The following CDH18 variants were observed in gnomAD, a reference collection of about 807,000 sequenced individuals.
CDH18 encodes cadherin-18.
A neutral mutation model predicts 67.9 loss-of-function variants in CDH18; 31 were observed. The observed-to-expected ratio is 0.46, with a 90% CI of 0.34 to 0.62. The LOEUF (loss-of-function observed/expected upper bound fraction) is 0.62. Among genes scored for constraint, CDH18 ranks in the 20% least tolerant of loss-of-function variants. The pLI, the probability that CDH18 is intolerant of heterozygous loss-of-function variation, is 0.01. For missense variants in CDH18, 890 were observed against 975.5 expected (o/e 0.91, Z 1.17); for synonymous variants, 362 against 347.2 (o/e 1.04, Z -0.48).
chr5:19,697,285 G>T (rs562662807), intron 5 of CDH18, among the ~76,000 whole-genome samples: 3 of 152,224 alleles, frequency 2.0e-5, no homozygotes, highest in African/African-American at 7.2e-5. Context: ...AGTCATACGG[G>T]CTATTTGGAA....
intron 8 of CDH18, among the ~76,000 whole-genome samples, chr5:19,561,820 A>T (rs1289631398): frequency 6.6e-6 from 1 of 152,140 alleles, no homozygotes; most frequent in Non-Finnish European, 1.5e-5. Flanking sequence ...CATCTATGAA[A>T]GAATAGAGTT....
At chr5:19,846,080 CCT>C (rs1315166312) in intron 2 of CDH18, among the ~76,000 whole-genome samples, 31 of 151,530 alleles carry the variant, frequency 2.0e-4, no homozygotes, top group African/African-American at 7.0e-4. Flanking sequence ...TATTTTTATC[CCT>C]GTTTTCCTCT....
chr5:20,220,858 G>T (rs1246274278), intron 2 of CDH18, among the ~76,000 whole-genome samples: 2 of 151,998 alleles, frequency 1.3e-5, no homozygotes, highest in Non-Finnish European at 2.9e-5. Context: ...ATGGCAAAAT[G>T]TATATGAAAT....
At chr5:20,116,081 G>A (rs77840669) in intron 2 of CDH18, among the ~76,000 whole-genome samples, 1 of 152,162 alleles carries the variant, frequency 6.6e-6, no homozygotes, top group Non-Finnish European at 1.5e-5. Context: ...AAGAGAAAAT[G>A]ATGTGTCTGC....
intron 8 of CDH18, among the ~76,000 whole-genome samples, chr5:19,562,772 A>G (rs938285134): frequency 6.6e-6 from 1 of 152,178 alleles, no homozygotes; most frequent in African/African-American, 2.4e-5. Flanking sequence ...CAAATTCTCA[A>G]CAAGAAGTAA....
At chr5:19,790,248 A>C (rs1472685247) in intron 3 of CDH18, among the ~76,000 whole-genome samples, 2 of 152,178 alleles carry the variant, frequency 1.3e-5, no homozygotes, top group Non-Finnish European at 2.9e-5. Context: ...ACATACTATA[A>C]GGGATGACAT....
intron 2 of CDH18, among the ~76,000 whole-genome samples, chr5:19,920,893 G>GCGCACACACACACA (rs1554064294): frequency 2.1e-5 from 3 of 146,208 alleles, no homozygotes; most frequent in African/African-American, 7.6e-5. Flanking sequence ...ACCCACAAGA[G>GCGCACACACACACA]CACACACACA....
At chr5:20,098,580 C>T (rs887041211) in intron 2 of CDH18, among the ~76,000 whole-genome samples, 1 of 151,972 alleles carries the variant, frequency 6.6e-6, no homozygotes, top group Non-Finnish European at 1.5e-5. Context: ...AAAAATGTGC[C>T]ATGAAATATC....
intron 2 of CDH18, among the ~76,000 whole-genome samples, chr5:20,095,427 G>GAAAGAAAGA (rs1554089647): frequency 1.4e-4 from 17 of 122,954 alleles, no homozygotes; most frequent in Middle Eastern, 4.6e-3. Flanking sequence ...AAGAAAGAAA[G>GAAAGAAAGA]AAAGAAAGAA....
intron 2 of CDH18, among the ~76,000 whole-genome samples, chr5:19,851,794 T>C (rs1005741622): frequency 2.0e-5 from 3 of 151,818 alleles, no homozygotes; most frequent in Non-Finnish European, 4.4e-5. Flanking sequence ...TTGAAAAGCG[T>C]ATATAGTGTC....
chr5:20,176,997 A>G (rs1205049996), intron 2 of CDH18, among the ~76,000 whole-genome samples: 1 of 152,146 alleles, frequency 6.6e-6, no homozygotes, highest in Non-Finnish European at 1.5e-5. Context: ...ATTCTAAGTA[A>G]TTCCTTTTAG....
intron 2 of CDH18, among the ~76,000 whole-genome samples, chr5:19,975,753 C>G (rs1441209477): frequency 6.6e-6 from 1 of 152,106 alleles, no homozygotes; most frequent in Admixed American, 6.6e-5. Context: ...AAATGTTTGG[C>G]ATTTCTTTTA....
chr5:19,731,919 G>A (rs1256750863), intron 4 of CDH18, among the ~76,000 whole-genome samples: 1 of 151,550 alleles, frequency 6.6e-6, no homozygotes, highest in East Asian at 2.0e-4. Flanking sequence ...GCAAAACCCT[G>A]TTTCTACAAA....
chr5:19,584,295 A>G (rs1025335031), intron 7 of CDH18, among the ~76,000 whole-genome samples: 4 of 152,330 alleles, frequency 2.6e-5, no homozygotes, highest in African/African-American at 7.2e-5. Flanking sequence ...TGATGAAGGA[A>G]TGATACAGAC....
rs1192332824 is a variant in CDH18, at chr5:19,993,869, A to G, written c.-517-1855T>C. On this transcript the variant is annotated intron_variant, in intron 2 of 14. Coordinates refer to the CDH18 transcript ENST00000507958. ...ACTGATGAAGATATTCGGCTCATAT[A>G]TTTACGTAAATTTTCATGTTTGTTT... Among the ~76,000 whole-genome samples the G allele has an allele frequency of 5.3e-5, 8 of 152,164 alleles. No homozygotes were observed. The East Asian group carries it at 1.5e-3, about 29-fold the overall frequency.
intron 9 of CDH18, among the ~76,000 whole-genome samples, chr5:19,528,734 C>T (rs1323871377): frequency 1.3e-5 from 2 of 151,806 alleles, no homozygotes; most frequent in African/African-American, 4.8e-5. Context: ...TCTTTCAAAA[C>T]ACTAAGCGTG....
intron 2 of CDH18, among the ~76,000 whole-genome samples, chr5:19,922,358 A>G (rs1328826674): frequency 3.3e-5 from 5 of 152,192 alleles, no homozygotes; most frequent in African/African-American, 1.2e-4. Context: ...TTACTACAAA[A>G]TGGTGCTTTT....
intron 3 of CDH18, among the ~76,000 whole-genome samples, chr5:19,759,814 G>C (rs1224742116): frequency 6.6e-6 from 1 of 152,126 alleles, no homozygotes; most frequent in African/African-American, 2.4e-5. Context: ...CCCTACATTA[G>C]GGGTACCGTT....
intron 1 of CDH18, among the ~76,000 whole-genome samples, chr5:20,321,128 A>AAGTG (rs889053729): frequency 1.3e-5 from 2 of 152,134 alleles, no homozygotes; most frequent in African/African-American, 2.4e-5. Flanking sequence ...CAAACTCAGC[A>AAGTG]AGTGAGTGTT....
Sources: allele counts gnomAD v4.1 joint callset (sites outside exome capture counted in the v4.1 genomes callset), GRCh38; gene constraint gnomAD v4.1.1; transcripts MANE v1.5; gene names NCBI Gene and HGNC (gene_info 2026-07-23, HGNC 2026-07-21).